LSAMP: variants seen among roughly 807,000 people sequenced by gnomAD.
LSAMP encodes limbic system-associated membrane protein.
LSAMP carries 7 observed loss-of-function variants against 38.6 expected under a neutral mutation model. The ratio of observed to expected loss-of-function variants is 0.18; its 90% CI spans 0.10 to 0.34. The LOEUF (loss-of-function observed/expected upper bound fraction) is 0.34. Among genes scored for constraint, LSAMP ranks in the 10% least tolerant of loss-of-function variants. The probability of loss-of-function intolerance (pLI) is 1.00; values close to 1 mark genes in which losing one functional copy is unlikely to be tolerated. For missense variants in LSAMP, 313 were observed against 420.0 expected (o/e 0.75, Z 2.23); for synonymous variants, 154 against 166.8 (o/e 0.92, Z 0.59).
At chr3:116,057,937 ACACACACACACACACACACC>A (rs766730188) in intron 2 of LSAMP, among the ~76,000 whole-genome samples, 17,748 of 136,632 alleles carry the variant, frequency 0.13, 1,144 homozygotes, top group Non-Finnish European at 0.16. Flanking sequence ...GTAGCTACAC[ACACACACACACACACACACC>A]CACACACACA....
intron 1 of LSAMP, chr3:116,367,995 A>G (rs1209471101): frequency 1.3e-5 from 2 of 152,242 alleles, no homozygotes; most frequent in Non-Finnish European, 2.9e-5. Flanking sequence ...TCTAAGCACA[A>G]ACGAACATTC....
At chr3:116,216,099 A>ATTCATGAT (rs2046215903) in intron 1 of LSAMP, among the ~76,000 whole-genome samples, 1 of 152,210 alleles carries the variant, frequency 6.6e-6, no homozygotes, top group Admixed American at 6.5e-5. Context: ...TTCCAGTGTG[A>ATTCATGAT]TTCATGATTT....
chr3:116,051,151 A>T (rs1252863694), intron 2 of LSAMP: 1 of 152,272 alleles, frequency 6.6e-6, no homozygotes, highest in East Asian at 1.9e-4. Flanking sequence ...AAATCACTTC[A>T]GTACCTGGCA....
At chr3:116,181,762 A>G (rs1409742559) in intron 1 of LSAMP, among the ~76,000 whole-genome samples, 1 of 151,984 alleles carries the variant, frequency 6.6e-6, no homozygotes, top group Non-Finnish European at 1.5e-5. Flanking sequence ...CTTCATTGCC[A>G]CTGTGACCCA....
intron 3 of LSAMP, among the ~76,000 whole-genome samples, chr3:115,985,088 T>C (rs1229127386): frequency 6.6e-6 from 1 of 152,170 alleles, no homozygotes; most frequent in Admixed American, 6.5e-5. Context: ...TTTAGACTAC[T>C]ATGCTCAAAC....
chr3:115,881,768 G>C (rs2107433030), intron 3 of LSAMP, among the ~76,000 whole-genome samples: 1 of 152,258 alleles, frequency 6.6e-6, no homozygotes, highest in South Asian at 2.1e-4. Flanking sequence ...TTTAGAGTCA[G>C]ATTGGGTCAT....
intron 1 of LSAMP, among the ~76,000 whole-genome samples, chr3:116,368,947 T>C (rs1020638281): frequency 2.0e-5 from 3 of 152,152 alleles, no homozygotes; most frequent in Non-Finnish European, 2.9e-5. Flanking sequence ...TTTTGGTAAA[T>C]AGAAATGAGA....
chr3:115,842,273 G>T (rs1461645232), intron 5 of LSAMP, among the ~76,000 whole-genome samples, 185 bp downstream of exon 5: 2 of 152,228 alleles, frequency 1.3e-5, no homozygotes, highest in Non-Finnish European at 2.9e-5. Flanking sequence ...TTACCTGACT[G>T]CTTTTGGGCT....
At chr3:115,837,043 C>A (rs1214110849) in intron 6 of LSAMP, among the ~76,000 whole-genome samples, 4 of 151,836 alleles carry the variant, frequency 2.6e-5, no homozygotes, top group Admixed American at 2.6e-4. Context: ...CTGTGCTTGG[C>A]CTAGGCTTTG....
In LSAMP at chr3:116,004,262, T is replaced by G. The variant is rs187873637; in HGVS notation, c.514+15253A>C. On this transcript the variant is annotated intron_variant, in intron 3 of 6. Transcript: ENST00000490035. ...ACTCATGGTCCCTGTGCTTTGAGGG[T>G]AAAAATTCAGGCCAAGGCTAAAGAG... Among the ~76,000 whole-genome samples, 86 of 152,120 alleles carry G rather than the reference T, an allele frequency of 5.7e-4. 3 individuals carry two copies. In the East Asian group the frequency reaches 0.011, roughly 20 times the overall value.
At chr3:116,376,485 C>T (rs978224466) in intron 1 of LSAMP, among the ~76,000 whole-genome samples, 4 of 152,012 alleles carry the variant, frequency 2.6e-5, no homozygotes, top group Non-Finnish European at 4.4e-5. Context: ...ATCCTTGAAA[C>T]CCCACAAACA....
intron 2 of LSAMP, among the ~76,000 whole-genome samples, chr3:116,050,451 A>G (rs987456021): frequency 6.6e-6 from 1 of 152,080 alleles, no homozygotes; most frequent in Non-Finnish European, 1.5e-5. Flanking sequence ...TGTTTCCTGC[A>G]GGGAGTCTCA....
chr3:115,881,521 G>T (rs1469336052), intron 3 of LSAMP, among the ~76,000 whole-genome samples: 1 of 152,112 alleles, frequency 6.6e-6, no homozygotes, highest in Admixed American at 6.6e-5. Flanking sequence ...AGTTGCTTAT[G>T]AATAGTGTTG....
At chr3:116,280,188 CTTTTTAATCTTCACATA>C (rs1169734486) in intron 1 of LSAMP, among the ~76,000 whole-genome samples, 1 of 152,158 alleles carries the variant, frequency 6.6e-6, no homozygotes, top group Non-Finnish European at 1.5e-5. Flanking sequence ...TACATAACAA[CTTTTTAATCTTCACATA>C]TTTCACCGAA....
chr3:116,088,720 T>A (rs945223255), intron 1 of LSAMP, among the ~76,000 whole-genome samples: 5 of 152,222 alleles, frequency 3.3e-5, no homozygotes, highest in Non-Finnish European at 7.3e-5. Flanking sequence ...ATTATAGATG[T>A]ATTCTGAATG....
At chr3:116,061,016 T>C (rs1415348767) in intron 2 of LSAMP, among the ~76,000 whole-genome samples, 1 of 152,078 alleles carries the variant, frequency 6.6e-6, no homozygotes, top group Non-Finnish European at 1.5e-5. Flanking sequence ...CATGAGAATA[T>C]CATCCTCAAG....
At chr3:116,127,694 CATT>C (rs1246036804) in intron 1 of LSAMP, among the ~76,000 whole-genome samples, 2 of 101,366 alleles carry the variant, frequency 2.0e-5, no homozygotes, top group Non-Finnish European at 3.9e-5. Context: ...AGTGTTTGTT[CATT>C]TTTTTTTTTT....
In LSAMP at chr3:115,854,279, A is replaced by ATT. The variant is rs1182024413; in HGVS notation, c.515-1664_515-1663dup. On this transcript the variant is annotated intron_variant, in intron 3 of 6. Transcript: ENST00000490035. ...TATTATTATTATTATTATTATTATT[A>ATT]TTATTTTTTTTTTTTTTTTTTGAGA... is the stretch of plus-strand genomic sequence containing the variant. 6.1e-4 allele frequency among the ~76,000 whole-genome samples: 71 copies of ATT among 116,362 alleles called. 2 individuals are homozygous for ATT. The highest frequency in any genetic ancestry group is 1.1e-3 in the South Asian group (4 of 3,654). The allele number at this position is 116,362 out of a possible 152,430, so 76.3% of individuals were successfully genotyped here.
rs1051850318 is a variant in LSAMP, at chr3:116,277,536, AT to A, written c.155+167340del. ...AGGCGCCCACCACCACGCCTGGCTA[AT>A]TTTTTTGTATTTTTTAGTAGAGACG... On this transcript the variant is annotated intron_variant, in intron 1 of 6. Coordinates refer to ENST00000490035, the MANE Select transcript of LSAMP (RefSeq NM_002338.5). Among the ~76,000 whole-genome samples the A allele has an allele frequency of 5.9e-5, 9 of 151,600 alleles. No homozygotes were observed. In the East Asian group the frequency reaches 9.7e-4, roughly 16 times the overall value.
Sources: gnomAD v4.1 joint callset for allele counts (sites outside exome capture counted in the v4.1 genomes callset) on GRCh38, gnomAD v4.1.1 for gene constraint, MANE v1.5 for transcripts, NCBI Gene and HGNC (gene_info 2026-07-23, HGNC 2026-07-21) for gene names.